Variants in SLC25A42 observed in about 807,000 individuals in gnomAD.
SLC25A42 encodes solute carrier family 25 member 42, also known as mitochondrial coenzyme A transporter SLC25A42.
SLC25A42 carries 19 observed loss-of-function variants against 34.7 expected under a neutral mutation model. The observed-to-expected ratio is 0.55, with a 90% confidence interval of 0.38 to 0.80. The LOEUF is 0.80. Ranked by LOEUF, SLC25A42 falls within the 30% of genes least tolerant of loss-of-function variation. The probability of loss-of-function intolerance (pLI) is 0.00; values close to 1 mark genes in which losing one functional copy is unlikely to be tolerated. For synonymous variants in SLC25A42, 205 were observed against 191.2 expected, an observed-to-expected ratio of 1.07 and a Z score of -0.59; for missense variants, 364 against 441.3, an observed-to-expected ratio of 0.82 and a Z score of 1.57.
At chr19:19,084,828 C>A (rs2059699058) in intron 1 of SLC25A42, among the ~76,000 whole-genome samples, 1 of 151,608 alleles carries the variant, frequency 6.6e-6, no homozygotes. Context: ...CAAGGTGGTT[C>A]ACACCCATAA....
At chr19:19,071,999 C>CT in intron 1 of SLC25A42, among the ~76,000 whole-genome samples, 1 of 152,316 alleles carries the variant, frequency 6.6e-6, no homozygotes, top group East Asian at 1.9e-4. Context: ...CATGGGGCGA[C>CT]CCAGGATGAA....
intron 3 of SLC25A42, 28 bp downstream of exon 3, chr19:19,101,914 G>C (rs2059798639): frequency 6.4e-7 from 1 of 1,573,302 alleles, no homozygotes; most frequent in Non-Finnish European, 8.7e-7. Flanking sequence ...CCAGGTGCTA[G>C]AGAAGCTGCC....
chr19:19,098,658 C>A (rs2059778142), intron 2 of SLC25A42, among the ~76,000 whole-genome samples: 1 of 151,950 alleles, frequency 6.6e-6, no homozygotes, highest in Admixed American at 6.6e-5. Context: ...CTGGCTCTCG[C>A]CTGTAATCCC....
intron 1 of SLC25A42, among the ~76,000 whole-genome samples, chr19:19,093,146 G>A (rs543426076): frequency 4.6e-5 from 7 of 152,118 alleles, no homozygotes; most frequent in African/African-American, 2.4e-5. Flanking sequence ...TCAGCCTCTC[G>A]AGTACCTGGG....
rs868520559 is a variant in SLC25A42, at chr19:19,104,330, T to G, written c.188-583T>G. 1.1e-3 allele frequency among the ~76,000 whole-genome samples: 160 copies of G among 151,562 alleles called. 3 individuals carry two copies. The Middle Eastern group carries it at 0.014, about 13-fold the overall frequency. On this transcript the variant is annotated intron_variant, in intron 3 of 7. Coordinates refer to ENST00000318596, the MANE Select transcript of SLC25A42 (RefSeq NM_178526.5). ...GCATGTTGCACACACAAGTGGTGGG[T>G]GGTGAGGGGTGAGGGAGGCGGGCTG... is the stretch of plus-strand genomic sequence containing the variant.
At position 19,106,371 on chromosome 19, in the gene SLC25A42, A is replaced by G; in HGVS notation, c.483A>G (p.Val161=). Residue 161 remains valine, a synonymous_variant, in exon 6 of 8, where the codon GTA becomes GTG. Transcript: ENST00000318596. Reference sequence around the variant, plus strand: ...ACCTGGTCAGAGCGCGGATGGCCGTAACCCCGAAGGAAATGTGAGTCCTTA... The same window carrying G: ...ACCTGGTCAGAGCGCGGATGGCCGTGACCCCGAAGGAAATGTGAGTCCTTA... ...PLDLVRARMA[V]TPKEMYSNIF... is the part of the protein sequence containing the mutation. 1 of 1,612,276 alleles carries G rather than the reference A, an allele frequency of 6.2e-7. No individual in the cohort carries two copies. Among genetic ancestry groups the G allele is most frequent in the African/African-American group, 1.3e-5 (1 of 74,916 alleles).
At chr19:19,101,122 TGA>T (rs2059794160) in intron 2 of SLC25A42, among the ~76,000 whole-genome samples, 1 of 151,958 alleles carries the variant, frequency 6.6e-6, no homozygotes, top group South Asian at 2.1e-4. Flanking sequence ...CTGTGCGGCG[TGA>T]CCTTCCAGGG....
At chr19:19,096,254 T>TGCCC in intron 2 of SLC25A42, 49 bp downstream of exon 2, 2 of 1,456,730 alleles carry the variant, frequency 1.4e-6, no homozygotes, top group Non-Finnish European at 1.9e-6. Context: ...GGCCCCAGCC[T>TGCCC]CCCCACCCCC....
chr19:19,074,549 G>A (rs10411786), intron 1 of SLC25A42, among the ~76,000 whole-genome samples: 3,568 of 152,194 alleles, frequency 0.023, 134 homozygotes, highest in African/African-American at 0.082. Context: ...GAGTCCCAAG[G>A]GGTGGAGCTG....
At chr19:19,066,829 G>A (rs1481633965) in intron 1 of SLC25A42, among the ~76,000 whole-genome samples, 2 of 152,112 alleles carry the variant, frequency 1.3e-5, no homozygotes, top group Non-Finnish European at 2.9e-5. Flanking sequence ...AATACACATT[G>A]AACGTATTTG....
chr19:19,093,003 T>A (rs1394387468), intron 1 of SLC25A42, among the ~76,000 whole-genome samples: 1 of 152,114 alleles, frequency 6.6e-6, no homozygotes, highest in Non-Finnish European at 1.5e-5. Context: ...CTGGTTTCTG[T>A]CTGTTTGCAA....
At chr19:19,090,655 A>G (rs2059733702) in intron 1 of SLC25A42, among the ~76,000 whole-genome samples, 1 of 151,140 alleles carries the variant, frequency 6.6e-6, no homozygotes, top group African/African-American at 2.5e-5. Context: ...CAAAACAACA[A>G]CAACAACAAC....
At position 19,081,730 on chromosome 19, in the gene SLC25A42, C is replaced by A. The variant is rs934792665; in HGVS notation, c.-34-14361C>A. On this transcript the variant is annotated intron_variant, in intron 1 of 7. Transcript: ENST00000318596. This position sits in a 1 kb window ranked among gnomAD's most constrained non-coding sequence, Gnocchi z 4.5. Reference sequence around the variant, plus strand: ...GCCACCTCCCTCCACTGCAGCCTACCGTCCAGGCCCTACGCTGTCACCCGA... The same window carrying A: ...GCCACCTCCCTCCACTGCAGCCTACAGTCCAGGCCCTACGCTGTCACCCGA... 6.6e-6 allele frequency among the ~76,000 whole-genome samples: 1 copy of A among 152,206 alleles called. No homozygotes were observed. Among genetic ancestry groups the A allele is most frequent in the African/African-American group, 2.4e-5 (1 of 41,444 alleles).
chr19:19,074,791 T>C (rs1356736114), intron 1 of SLC25A42, among the ~76,000 whole-genome samples: 5 of 151,928 alleles, frequency 3.3e-5, no homozygotes, highest in African/African-American at 7.3e-5. Context: ...GTGTATGTAT[T>C]AGGATAGCCT....
intron 2 of SLC25A42, among the ~76,000 whole-genome samples, chr19:19,100,579 T>C (rs1170859886): frequency 8.5e-5 from 13 of 152,148 alleles, no homozygotes; most frequent in Admixed American, 8.5e-4. Context: ...CACCCCAAAG[T>C]GACCTGCACC....
At chr19:19,070,991 CTT>C (rs35787720) in intron 1 of SLC25A42, among the ~76,000 whole-genome samples, 5,666 of 117,156 alleles carry the variant, frequency 0.048, 155 homozygotes, top group Middle Eastern at 0.12. Context: ...TGCATACCGT[CTT>C]TTTTTTTTTT....
intron 7 of SLC25A42, 101 bp from the exon 8 acceptor site, chr19:19,110,468 T>G: frequency 1.0e-6 from 1 of 968,718 alleles, no homozygotes; most frequent in Non-Finnish European, 1.4e-6. Context: ...TGTGTGTATG[T>G]GCACGCAGGT....
At chr19:19,087,777 C>T (rs1159329970) in intron 1 of SLC25A42, among the ~76,000 whole-genome samples, 1 of 152,202 alleles carries the variant, frequency 6.6e-6, no homozygotes, top group Non-Finnish European at 1.5e-5. Context: ...GCTGCTTATT[C>T]AGAGTTTGCA....
intron 1 of SLC25A42, among the ~76,000 whole-genome samples, chr19:19,067,847 C>T (rs907292483): frequency 6.6e-6 from 1 of 152,070 alleles, no homozygotes; most frequent in Non-Finnish European, 1.5e-5. Context: ...CAATTTCTCA[C>T]CACTGGTGCC....
Sources: allele counts gnomAD v4.1 joint callset (sites outside exome capture counted in the v4.1 genomes callset), GRCh38; gene constraint gnomAD v4.1.1; non-coding constraint Gnocchi (gnomAD v3.1); transcripts MANE v1.5; gene names NCBI Gene and HGNC (gene_info 2026-07-23, HGNC 2026-07-21).